Variants in WDHD1 observed in about 807,000 individuals in gnomAD.
WDHD1 encodes WD repeat and HMG-box DNA binding protein 1, also known as WD repeat and HMG-box DNA-binding protein 1.
WDHD1 carries 111 observed loss-of-function variants against 135.4 expected under a neutral mutation model. That is an observed-to-expected ratio of 0.82 (90% CI 0.70 to 0.96). WDHD1 has a LOEUF of 0.96. Among genes scored for constraint, WDHD1 ranks in the 40% least tolerant of loss-of-function variants. The pLI is 0.00. For missense variants in WDHD1, 1,351 were observed against 1,336.3 expected, an observed-to-expected ratio of 1.01 and a Z score of -0.17; for synonymous variants, 434 against 439.0, an observed-to-expected ratio of 0.99 and a Z score of 0.14.
chr14:54,980,762 C>T (rs2041604420), intron 16 of WDHD1, among the ~76,000 whole-genome samples: 1 of 145,382 alleles, frequency 6.9e-6, no homozygotes, highest in Non-Finnish European at 1.5e-5. Flanking sequence ...TGAGATCACG[C>T]CACTGTACTC....
intron 18 of WDHD1, among the ~76,000 whole-genome samples, chr14:54,964,335 G>A (rs1459759626): frequency 6.6e-6 from 1 of 151,914 alleles, no homozygotes; most frequent in Non-Finnish European, 1.5e-5. Context: ...CACTGCCTCA[G>A]GGGGCATTTA....
intron 7 of WDHD1, among the ~76,000 whole-genome samples, chr14:55,004,047 T>G (rs1248385395): frequency 1.3e-5 from 2 of 152,238 alleles, no homozygotes; most frequent in African/African-American, 4.8e-5. Context: ...TGCAAAACTA[T>G]TTACTTTTTA....
At chr14:55,003,758 C>T (rs1208053567) in intron 7 of WDHD1, among the ~76,000 whole-genome samples, 1 of 150,568 alleles carries the variant, frequency 6.6e-6, no homozygotes, top group Non-Finnish European at 1.5e-5. Flanking sequence ...GAGACGGGGT[C>T]TTATCATGTT....
intron 16 of WDHD1, among the ~76,000 whole-genome samples, chr14:54,970,645 GAAGA>G (rs1029088216): frequency 6.9e-6 from 1 of 145,538 alleles, no homozygotes; most frequent in Admixed American, 6.8e-5. Flanking sequence ...AAGAAAGAAA[GAAGA>G]AAGAAAAAGA....
At chr14:54,996,700 T>C (rs185431668) in intron 10 of WDHD1, among the ~76,000 whole-genome samples, 5 of 150,596 alleles carry the variant, frequency 3.3e-5, no homozygotes, top group Admixed American at 3.3e-4. Context: ...AAACTACAAA[T>C]GTTAAGCCAA....
rs536254379 is a variant in WDHD1 at position 54,954,040 on chromosome 14, C to A, written c.3050+1521G>T. On this transcript the variant is annotated intron_variant, in intron 24 of 25. Coordinates refer to ENST00000360586, the MANE Select transcript of WDHD1 (RefSeq NM_007086.4). ...TAATGTAAATGATGAGCACAGCACACCAACATGGCACATGTGTACATATGT... is the reference window on the plus strand; with the variant it reads ...TAATGTAAATGATGAGCACAGCACAACAACATGGCACATGTGTACATATGT... 5.9e-5 allele frequency among the ~76,000 whole-genome samples: 9 copies of A among 151,724 alleles called. No individual in the cohort carries two copies. The South Asian group carries it at 1.9e-3, about 32-fold the overall frequency.
intron 2 of WDHD1, among the ~76,000 whole-genome samples, chr14:55,019,884 C>T (rs550203794): frequency 1.1e-4 from 16 of 152,182 alleles, no homozygotes; most frequent in African/African-American, 1.7e-4. Context: ...AAAAGAAATC[C>T]GCTATCAGTG....
At position 54,989,064 on chromosome 14, in the gene WDHD1, A is replaced by G. The variant is rs989665498; in HGVS notation, c.1490T>C (p.Ile497Thr). 1.2e-6 allele frequency: 2 copies of G among 1,612,866 alleles called. No individual in the cohort carries two copies. The highest frequency in any genetic ancestry group is 2.7e-5 in the African/African-American group (2 of 74,908). ...ATCAGTGCTTTCACATGCCAACAAA[A>G]TAGCTTCGTGGGAAAGATCTGCTAT... ...YTIADLSHEA[I>T]LLACESTDEL... The change falls in exon 13 of 26, where the codon ATT becomes ACT. Residue 497 changes from isoleucine (I) to threonine (T), a missense_variant. By Grantham distance (89) the Ile-to-Thr change is moderately conservative. This residue lies in a region of WDHD1 where 1,330 missense variants were observed against 1,296.1 expected (regional missense o/e 1.03). Transcript: ENST00000360586.
intron 2 of WDHD1, among the ~76,000 whole-genome samples, chr14:55,013,861 G>A (rs570199376): frequency 1.3e-5 from 2 of 151,930 alleles, no homozygotes; most frequent in East Asian, 1.9e-4. Context: ...GAACCATGAC[G>A]GCACCACTGC....
intron 24 of WDHD1, among the ~76,000 whole-genome samples, chr14:54,953,928 C>T (rs1034876097): frequency 3.3e-5 from 5 of 151,898 alleles, no homozygotes; most frequent in East Asian, 1.9e-4. Flanking sequence ...ACAATGAGAA[C>T]GCTTGGACAC....
chr14:54,997,095 T>G (rs1410250210), intron 10 of WDHD1, among the ~76,000 whole-genome samples: 1 of 141,258 alleles, frequency 7.1e-6, no homozygotes, highest in Admixed American at 7.1e-5. Flanking sequence ...CAGCCTTTTT[T>G]TTTTTTTTTT....
chr14:54,962,415 T>A (rs1595070473), intron 21 of WDHD1, 83 bp downstream of exon 21: 1 of 1,017,642 alleles, frequency 9.8e-7, no homozygotes, highest in Non-Finnish European at 1.5e-6. Context: ...CCTTAAGAGT[T>A]AAGGTGTATT....
rs560012391 is a variant in WDHD1 at position 54,986,355 on chromosome 14, CAG to C, written c.1768+789_1768+790del. 3.1e-3 allele frequency among the ~76,000 whole-genome samples: 475 copies of C among 152,096 alleles called. 3 individuals are homozygous for C. Among genetic ancestry groups the C allele is most frequent in the Non-Finnish European group, 4.8e-3 (323 of 67,988 alleles). Reference sequence around the variant, plus strand: ...TCTGTTTTTCTTTTAAAAATAGAAACAGGGGCTTGCTATTGCTATCCAGACTT... The same window carrying C: ...TCTGTTTTTCTTTTAAAAATAGAAACGGGCTTGCTATTGCTATCCAGACTT... On this transcript the variant is annotated intron_variant, in intron 14 of 25. Coordinates refer to ENST00000360586, the MANE Select transcript of WDHD1 (RefSeq NM_007086.4).
intron 24 of WDHD1, among the ~76,000 whole-genome samples, chr14:54,946,590 C>T (rs1166006089): frequency 6.6e-6 from 1 of 152,094 alleles, no homozygotes; most frequent in Non-Finnish European, 1.5e-5. Flanking sequence ...CTCAAGCAAT[C>T]CTCCTGCCTC....
chr14:54,947,558 T>C (rs960424073), intron 24 of WDHD1, among the ~76,000 whole-genome samples: 20 of 152,144 alleles, frequency 1.3e-4, no homozygotes, highest in Non-Finnish European at 2.6e-4. Flanking sequence ...AAAAATGAGA[T>C]ATATTATGGT....
intron 11 of WDHD1, among the ~76,000 whole-genome samples, chr14:54,993,084 T>C (rs1336553240): frequency 6.6e-6 from 1 of 152,196 alleles, no homozygotes; most frequent in African/African-American, 2.4e-5. Flanking sequence ...AAAAATCCAT[T>C]CAACATTCAA....
rs912059024 is a variant in WDHD1, at chr14:54,939,676, T to G, written c.*1814A>C. The stretch of plus-strand genomic sequence containing the variant: ...TGTTTCTTGGTTTCAAAGTTCTGAT[T>G]TGTAAGTTAAACCAAGTCAATACAA... On this transcript the variant is annotated 3_prime_UTR_variant, in exon 26 of 26. Coordinates refer to ENST00000360586, the MANE Select transcript of WDHD1 (RefSeq NM_007086.4). The G allele has an allele frequency of 6.6e-6, 1 of 151,878 alleles. No individual in the cohort carries two copies. The highest frequency in any genetic ancestry group is 1.5e-5 in the Non-Finnish European group (1 of 67,994). 9.4% of individuals were successfully genotyped at this position (151,878 alleles called of 1,614,324 possible). A position where few individuals can be genotyped will look rare whatever the true frequency, so the allele number is the denominator to read the frequency against.
At chr14:55,002,756 A>AT (rs2041997862) in intron 7 of WDHD1, among the ~76,000 whole-genome samples, 1 of 151,678 alleles carries the variant, frequency 6.6e-6, no homozygotes, top group Admixed American at 6.6e-5. Context: ...AGCCCAACTA[A>AT]TTTTTTTCCT....
chr14:54,972,768 A>T (rs2041462365), intron 16 of WDHD1, among the ~76,000 whole-genome samples: 1 of 152,032 alleles, frequency 6.6e-6, no homozygotes, highest in East Asian at 1.9e-4. Context: ...TGGGCAACAT[A>T]GCAAGACTCC....
Sources: gnomAD v4.1 joint callset for allele counts (sites outside exome capture counted in the v4.1 genomes callset) on GRCh38, gnomAD v4.1.1 for gene constraint, gnomAD v4.1.1 regional missense constraint, MANE v1.5 for transcripts, NCBI Gene and HGNC (gene_info 2026-07-23, HGNC 2026-07-21) for gene names.